The following NIPAL2 variants were observed in gnomAD, a reference collection of about 807,000 sequenced individuals.
The protein encoded by NIPAL2 is NIPA-like protein 2.
A neutral mutation model predicts 48.9 loss-of-function variants in NIPAL2; 43 were observed. That is an observed-to-expected ratio of 0.88 (90% CI 0.69 to 1.13). The LOEUF is 1.13. NIPAL2 is among the 50% of genes most tolerant of loss of function. The probability of loss-of-function intolerance (pLI) is 0.00; values close to 1 mark genes in which losing one functional copy is unlikely to be tolerated. For missense variants in NIPAL2, 446 were observed against 461.4 expected (o/e 0.97, Z 0.31); for synonymous variants, 167 against 174.6 (o/e 0.96, Z 0.34).
intron 6 of NIPAL2, among the ~76,000 whole-genome samples, chr8:98,208,450 G>C (rs759157345): frequency 2.6e-5 from 4 of 152,236 alleles, no homozygotes; most frequent in Middle Eastern, 3.4e-3. Flanking sequence ...AGAGGCGTTA[G>C]AGTACTTTTT....
At chr8:98,225,821 A>G (rs1199663518) in intron 4 of NIPAL2, among the ~76,000 whole-genome samples, 1 of 151,264 alleles carries the variant, frequency 6.6e-6, no homozygotes, top group East Asian at 1.9e-4. Flanking sequence ...CTCTCCCTCT[A>G]CCTCCTCTTT....
intron 3 of NIPAL2, among the ~76,000 whole-genome samples, chr8:98,239,800 T>C (rs1812895120): frequency 6.6e-6 from 1 of 152,234 alleles, no homozygotes; most frequent in Non-Finnish European, 1.5e-5. Context: ...TCATTTATCT[T>C]GCAAATATGC....
At chr8:98,279,394 A>T (rs1264486897) in intron 1 of NIPAL2, among the ~76,000 whole-genome samples, 1 of 152,228 alleles carries the variant, frequency 6.6e-6, no homozygotes, top group East Asian at 1.9e-4. Flanking sequence ...CCATTACATT[A>T]GATTAAAAAT....
chr8:98,212,363 C>T (rs1328673498), intron 6 of NIPAL2, 42 bp downstream of exon 6: 2 of 1,064,414 alleles, frequency 1.9e-6, no homozygotes, highest in South Asian at 1.3e-5. Flanking sequence ...TATGACTCAG[C>T]ACAGCTCAAT....
intron 1 of NIPAL2, among the ~76,000 whole-genome samples, chr8:98,275,713 C>T (rs1815418929): frequency 6.6e-6 from 1 of 152,178 alleles, no homozygotes; most frequent in Non-Finnish European, 1.5e-5. Context: ...ACTTTCCCAT[C>T]AGCAATATAT....
chr8:98,217,205 C>A, intron 5 of NIPAL2: 1 of 985,358 alleles, frequency 1.0e-6, no homozygotes, highest in Non-Finnish European at 1.2e-6. Flanking sequence ...TTTTCTGTAC[C>A]AGATCAGAGG....
rs764590290 is a variant in NIPAL2 at position 98,294,074 on chromosome 8, GT to G, written c.63del (p.Leu22Ter). On this transcript the variant is annotated frameshift_variant, in exon 1 of 11. Transcript: ENST00000430223. LOFTEE classifies it high-confidence loss of function. ...CCTGGTGCCCCGTACGTGAAATTCA[GT>G]GACAGCTCGTCCAGGGCGGCCGAGG... ...DSASAALDEL[S>X]LNFTYGAPGA... 2.0e-6 allele frequency: 3 copies of G among 1,499,390 alleles called. No individual in the cohort carries two copies. The African/African-American group carries it at 4.4e-5, about 22-fold the overall frequency. 92.9% of individuals were successfully genotyped at this position (1,499,390 alleles called of 1,614,324 possible). A position where few individuals can be genotyped will look rare whatever the true frequency, so the allele number is the denominator to read the frequency against.
At chr8:98,265,667 CTT>C (rs1300335406) in intron 1 of NIPAL2, among the ~76,000 whole-genome samples, 1 of 139,952 alleles carries the variant, frequency 7.1e-6, no homozygotes, top group Admixed American at 7.3e-5. Context: ...AATAGGAACA[CTT>C]TTACACTGTT....
intron 4 of NIPAL2, among the ~76,000 whole-genome samples, chr8:98,235,872 A>G (rs1812683644): frequency 6.6e-6 from 1 of 151,390 alleles, no homozygotes; most frequent in Admixed American, 6.6e-5. Context: ...ACTGATTAAT[A>G]TTATAATCAT....
At chr8:98,193,210 C>T in intron 10 of NIPAL2, 120 bp from the exon 11 acceptor site, 1 of 1,053,424 alleles carries the variant, frequency 9.5e-7, no homozygotes, top group South Asian at 1.4e-5. Context: ...TGGGCACTCT[C>T]TAAAGAGAAG....
At chr8:98,234,241 T>G (rs1812594892) in intron 4 of NIPAL2, among the ~76,000 whole-genome samples, 1 of 152,184 alleles carries the variant, frequency 6.6e-6, no homozygotes, top group Non-Finnish European at 1.5e-5. Flanking sequence ...TGGCACATAT[T>G]CTTTTCTACT....
chr8:98,202,746 A>G (rs1289339479), intron 8 of NIPAL2, among the ~76,000 whole-genome samples: 2 of 152,262 alleles, frequency 1.3e-5, no homozygotes, highest in Admixed American at 1.3e-4. Context: ...GTATTCCTTT[A>G]TAGCAACACA....
intron 5 of NIPAL2, among the ~76,000 whole-genome samples, chr8:98,218,294 T>C (rs955966246): frequency 1.3e-5 from 2 of 152,228 alleles, no homozygotes; most frequent in African/African-American, 2.4e-5. Flanking sequence ...GTCTGGACTA[T>C]CATGAAATTT....
rs576431379 is a variant in NIPAL2 at position 98,237,801 on chromosome 8, T to C, written c.377-1587A>G. ...CTCAAGTGTCACCTCTGGATTCCCC[T>C]GGGCTGAGCTGATCCCGCCACCCTT... On this transcript the variant is annotated intron_variant, in intron 3 of 10. Transcript: ENST00000430223. Among the ~76,000 whole-genome samples the C allele has an allele frequency of 6.6e-5, 10 of 152,324 alleles. No homozygotes were observed. In the South Asian group the frequency reaches 1.9e-3, roughly 28 times the overall value.
chr8:98,213,026 C>T (rs1811396931), intron 5 of NIPAL2, among the ~76,000 whole-genome samples: 1 of 152,198 alleles, frequency 6.6e-6, no homozygotes, highest in Non-Finnish European at 1.5e-5. Flanking sequence ...CCAGAGGAAT[C>T]ATTTAAAAAC....
At chr8:98,288,407 A>G (rs563693012) in intron 1 of NIPAL2, among the ~76,000 whole-genome samples, 1 of 151,460 alleles carries the variant, frequency 6.6e-6, no homozygotes, top group East Asian at 1.9e-4. Context: ...TCCATGGTGT[A>G]TATATGCCAC....
At chr8:98,272,220 A>T (rs914754734) in intron 1 of NIPAL2, among the ~76,000 whole-genome samples, 25 of 152,300 alleles carry the variant, frequency 1.6e-4, no homozygotes, top group Middle Eastern at 3.4e-3. Context: ...TTCAGAGCTT[A>T]TCTTCCTTCC....
chr8:98,264,045 A>T (rs1814542749), intron 1 of NIPAL2, among the ~76,000 whole-genome samples: 1 of 151,538 alleles, frequency 6.6e-6, no homozygotes, highest in Non-Finnish European at 1.5e-5. Flanking sequence ...GATTATCTCA[A>T]CAGATGCAGA....
chr8:98,265,858 G>T (rs867034498), intron 1 of NIPAL2, among the ~76,000 whole-genome samples: 67 of 150,004 alleles, frequency 4.5e-4, no homozygotes, highest in East Asian at 1.6e-3. Context: ...CATTATTCAC[G>T]ATAGCAAAGA....
Sources: gnomAD v4.1 joint callset for allele counts (sites outside exome capture counted in the v4.1 genomes callset) on GRCh38, gnomAD v4.1.1 for gene constraint, MANE v1.5 for transcripts, NCBI Gene and HGNC (gene_info 2026-07-23, HGNC 2026-07-21) for gene names.